Variants in ADAMTS3 observed in about 807,000 individuals in gnomAD.
ADAMTS3 encodes ADAM metallopeptidase with thrombospondin type 1 motif 3.
ADAMTS3 carries 73 observed loss-of-function variants against 129.0 expected under a neutral mutation model. The ratio of observed to expected loss-of-function variants is 0.57; its 90% CI spans 0.47 to 0.69. The LOEUF (loss-of-function observed/expected upper bound fraction) is 0.69. ADAMTS3 is among the 30% of genes least tolerant of loss of function. The pLI, the probability that ADAMTS3 is intolerant of heterozygous loss-of-function variation, is 0.00. For missense variants in ADAMTS3, 1,457 were observed against 1,514.5 expected (o/e 0.96, Z 0.63); for synonymous variants, 477 against 510.8 (o/e 0.93, Z 0.89).
chr4:72,531,057 A>G (rs1721029310), intron 3 of ADAMTS3, among the ~76,000 whole-genome samples: 1 of 151,676 alleles, frequency 6.6e-6, no homozygotes, highest in Non-Finnish European at 1.5e-5. Context: ...TTCTATGTGA[A>G]GAAGGGGGCA....
chr4:72,335,731 T>C (rs1477010323), intron 5 of ADAMTS3, among the ~76,000 whole-genome samples: 1 of 152,178 alleles, frequency 6.6e-6, no homozygotes, highest in East Asian at 1.9e-4. Flanking sequence ...TCTTGCAATA[T>C]AGTTGGAAAG....
intron 3 of ADAMTS3, among the ~76,000 whole-genome samples, chr4:72,467,592 TC>T (rs1258260394): frequency 1.3e-5 from 2 of 152,040 alleles, no homozygotes; most frequent in African/African-American, 4.8e-5. Flanking sequence ...CCCTGATTTG[TC>T]CCATGTTATT....
intron 2 of ADAMTS3, among the ~76,000 whole-genome samples, chr4:72,558,169 C>T (rs909885569): frequency 6.6e-6 from 1 of 151,752 alleles, no homozygotes; most frequent in East Asian, 1.9e-4. Flanking sequence ...ACTTTACTTG[C>T]GATAATTACA....
chr4:72,466,154 C>T (rs1302236500), intron 3 of ADAMTS3, among the ~76,000 whole-genome samples: 1 of 152,004 alleles, frequency 6.6e-6, no homozygotes, highest in Non-Finnish European at 1.5e-5. Context: ...GTCCTTCTGA[C>T]ACTGTGATGA....
intron 4 of ADAMTS3, among the ~76,000 whole-genome samples, chr4:72,378,411 C>A (rs900041786): frequency 1.3e-5 from 2 of 152,140 alleles, no homozygotes; most frequent in Non-Finnish European, 1.5e-5. Flanking sequence ...TAGTTTATAA[C>A]AGAAACTATT....
rs749353154 is a variant in ADAMTS3 at position 72,303,773 on chromosome 4, GA to G, written c.2424+143del. On this transcript the variant is annotated intron_variant, in intron 17 of 21. Transcript: ENST00000286657. Reference sequence around the variant, plus strand: ...GAAAATATTGCACAAAGAGTGGGGGGAAAGATAAATGGAATTATTTTAAAAA... The same window carrying G: ...GAAAATATTGCACAAAGAGTGGGGGGAAGATAAATGGAATTATTTTAAAAA... 5.7e-5 allele frequency: 43 copies of G among 753,022 alleles called. 1 individual carries two copies. The highest frequency in any genetic ancestry group is 3.0e-4 in the South Asian group (17 of 56,434). 46.6% of individuals were successfully genotyped at this position (753,022 alleles called of 1,614,324 possible). A position where few individuals can be genotyped will look rare whatever the true frequency, so the allele number is the denominator to read the frequency against.
intron 4 of ADAMTS3, among the ~76,000 whole-genome samples, chr4:72,391,412 T>C (rs1281197441): frequency 6.6e-6 from 1 of 152,130 alleles, no homozygotes; most frequent in Non-Finnish European, 1.5e-5. Context: ...AGGCCCACAC[T>C]GAAGATAAAG....
At chr4:72,533,111 A>T (rs1023909930) in intron 3 of ADAMTS3, among the ~76,000 whole-genome samples, 2 of 152,182 alleles carry the variant, frequency 1.3e-5, no homozygotes, top group African/African-American at 4.8e-5. Context: ...TTATAATTAT[A>T]CTTAGCTTAA....
At chr4:72,418,645 G>C (rs1722369231) in intron 3 of ADAMTS3, among the ~76,000 whole-genome samples, 1 of 152,194 alleles carries the variant, frequency 6.6e-6, no homozygotes, top group Non-Finnish European at 1.5e-5. Flanking sequence ...ATAGGATACA[G>C]TTGCATGGCT....
chr4:72,348,943 C>T (rs1042548999), intron 4 of ADAMTS3, among the ~76,000 whole-genome samples: 10 of 151,998 alleles, frequency 6.6e-5, no homozygotes, highest in African/African-American at 2.4e-4. Flanking sequence ...CTGGCCCACA[C>T]CTTGATTTTG....
intron 17 of ADAMTS3, among the ~76,000 whole-genome samples, chr4:72,301,179 A>G (rs1449945715): frequency 6.6e-6 from 1 of 152,202 alleles, no homozygotes; most frequent in African/African-American, 2.4e-5. Flanking sequence ...TAACTCTAAA[A>G]CAGTTACCAA....
chr4:72,298,821 A>T (rs1452452331), intron 17 of ADAMTS3, among the ~76,000 whole-genome samples: 2 of 151,648 alleles, frequency 1.3e-5, no homozygotes, highest in South Asian at 2.1e-4. Context: ...TTTTTAAATT[A>T]AAATTTTTAA....
At chr4:72,515,974 A>C (rs1314354499) in intron 3 of ADAMTS3, among the ~76,000 whole-genome samples, 9 of 152,174 alleles carry the variant, frequency 5.9e-5, no homozygotes, top group Non-Finnish European at 1.2e-4. Context: ...TTTTAGGTCT[A>C]ACATGTAAAT....
At chr4:72,451,016 G>GAAGAGAAGAGAAGAT (rs1718390146) in intron 3 of ADAMTS3, among the ~76,000 whole-genome samples, 1 of 140,328 alleles carries the variant, frequency 7.1e-6, no homozygotes, top group Admixed American at 6.9e-5. Flanking sequence ...GAAGAGAAGA[G>GAAGAGAAGAGAAGAT]AAATTTGCAA....
chr4:72,472,383 G>T lies in ADAMTS3; in HGVS notation c.505-57412C>A, dbSNP rs145002469. On this transcript the variant is annotated intron_variant, in intron 3 of 21. Coordinates refer to ENST00000286657, the MANE Select transcript of ADAMTS3 (RefSeq NM_014243.3). ...CTGGTAAAATATCTTTTAACAACATGCAAAGCAATTCACTGTAGGTTTATA... is the reference window on the plus strand; with the variant it reads ...CTGGTAAAATATCTTTTAACAACATTCAAAGCAATTCACTGTAGGTTTATA... Among the ~76,000 whole-genome samples the T allele has an allele frequency of 4.4e-4, 67 of 152,096 alleles. No homozygotes were observed. In the East Asian group the frequency reaches 0.011, roughly 25 times the overall value.
At chr4:72,533,535 A>C (rs1446166771) in intron 3 of ADAMTS3, among the ~76,000 whole-genome samples, 1 of 152,152 alleles carries the variant, frequency 6.6e-6, no homozygotes, top group East Asian at 1.9e-4. Flanking sequence ...ATTATCATCA[A>C]GTACATAATT....
intron 3 of ADAMTS3, among the ~76,000 whole-genome samples, chr4:72,463,242 T>C (rs1718821004): frequency 6.6e-6 from 1 of 152,004 alleles, no homozygotes; most frequent in Admixed American, 6.6e-5. Flanking sequence ...CCATCTGGGT[T>C]TGTGTAAGTA....
chr4:72,327,193 G>A (rs1719720991), intron 5 of ADAMTS3, among the ~76,000 whole-genome samples: 1 of 151,968 alleles, frequency 6.6e-6, no homozygotes, highest in East Asian at 1.9e-4. Context: ...CTCATGATCT[G>A]GCTGTTTTTA....
chr4:72,423,285 T>G (rs1198372452), intron 3 of ADAMTS3, among the ~76,000 whole-genome samples: 1 of 152,152 alleles, frequency 6.6e-6, no homozygotes, highest in Non-Finnish European at 1.5e-5. Flanking sequence ...ATAGTAAGTT[T>G]TAAATGTCTG....
Sources: allele counts gnomAD v4.1 joint callset (sites outside exome capture counted in the v4.1 genomes callset), GRCh38; gene constraint gnomAD v4.1.1; transcripts MANE v1.5; gene names NCBI Gene and HGNC (gene_info 2026-07-23, HGNC 2026-07-21).